Variants in FBXO15 observed in about 807,000 individuals in gnomAD.
FBXO15 encodes the protein F-box protein 15, also known as F-box only protein 15.
Under a neutral mutation model 49.5 loss-of-function variants are expected in FBXO15, and 30 were observed. That is an observed-to-expected ratio of 0.61 (90% CI 0.45 to 0.82). The LOEUF is 0.82. Among genes scored for constraint, FBXO15 ranks in the 40% least tolerant of loss-of-function variants. The pLI, the probability that FBXO15 is intolerant of heterozygous loss-of-function variation, is 0.00. For missense variants in FBXO15, 591 were observed against 631.5 expected, an observed-to-expected ratio of 0.94 and a Z score of 0.69; for synonymous variants, 250 against 232.7, an observed-to-expected ratio of 1.07 and a Z score of -0.68.
intron 3 of FBXO15, among the ~76,000 whole-genome samples, chr18:74,132,950 T>C (rs1303751682): frequency 6.6e-6 from 1 of 152,224 alleles, no homozygotes; most frequent in Admixed American, 6.5e-5. Context: ...GGGAGCCCCC[T>C]GCCCTTCAAG....
intron 8 of FBXO15, among the ~76,000 whole-genome samples, chr18:74,089,669 G>GATAATC: frequency 6.6e-6 from 1 of 152,136 alleles, no homozygotes; most frequent in East Asian, 1.9e-4. Flanking sequence ...TGCATCTATT[G>GATAATC]ATAATCATGT....
At chr18:74,103,946 T>G (rs542653278) in intron 8 of FBXO15, among the ~76,000 whole-genome samples, 1 of 152,156 alleles carries the variant, frequency 6.6e-6, no homozygotes, top group Non-Finnish European at 1.5e-5. Context: ...GAAAACTTAC[T>G]GGTAAAATTA....
intron 2 of FBXO15, 52 bp from the exon 3 acceptor site, chr18:74,135,918 A>C: frequency 6.9e-7 from 1 of 1,442,036 alleles, no homozygotes; most frequent in Admixed American, 1.9e-5. Flanking sequence ...CCAGGGCTTA[A>C]TCTGCAGATT....
chr18:74,123,417 A>G lies in FBXO15; in HGVS notation c.1089T>C (p.Gly363=), dbSNP rs768238784. 2 of 1,613,776 alleles carry G rather than the reference A, an allele frequency of 1.2e-6. No individual in the cohort carries two copies. The highest frequency in any genetic ancestry group is 1.7e-6 in the Non-Finnish European group (2 of 1,179,922). Residue 363 remains glycine (G), a synonymous_variant, in exon 8 of 10, where the codon GGT becomes GGC. Coordinates refer to ENST00000419743, the MANE Select transcript of FBXO15 (RefSeq NM_001142958.2). ...GYQLHVDLHS[G]GVFYLCGTFR... The stretch of plus-strand genomic sequence containing the variant: ...ATGTACCACATAGGTAGAAAACCCC[A>G]CCGCTGTGCAGATCAACATGGAGTT...
intron 3 of FBXO15, among the ~76,000 whole-genome samples, chr18:74,131,360 G>A (rs891406607): frequency 6.6e-6 from 1 of 152,344 alleles, no homozygotes; most frequent in African/African-American, 2.4e-5. Context: ...TGCAAGGTGA[G>A]CTGGCCCAGG....
chr18:74,118,246 G>T (rs1158033624), intron 8 of FBXO15, among the ~76,000 whole-genome samples: 1 of 151,958 alleles, frequency 6.6e-6, no homozygotes, highest in African/African-American at 2.4e-5. Flanking sequence ...TGATCTGCCT[G>T]CCTCAGCCTT....
At chr18:74,086,568 G>A (rs565977437) in intron 8 of FBXO15, among the ~76,000 whole-genome samples, 6 of 152,190 alleles carry the variant, frequency 3.9e-5, no homozygotes, top group South Asian at 4.1e-4. Context: ...CCGCCACCAC[G>A]CCTGACTAAT....
intron 8 of FBXO15, among the ~76,000 whole-genome samples, chr18:74,108,705 C>T (rs1913880988): frequency 6.6e-6 from 1 of 152,110 alleles, no homozygotes; most frequent in African/African-American, 2.4e-5. Context: ...ATACAGGAAG[C>T]TCAGAGAACA....
Position 74,130,522 on chromosome 18 carries a change from C to T in FBXO15, c.469G>A (p.Glu157Lys), listed in dbSNP as rs750915015. 5 of 1,614,006 alleles carry T rather than the reference C, an allele frequency of 3.1e-6. No individual in the cohort carries two copies. The African/African-American group carries it at 4.0e-5, about 13-fold the overall frequency. Residue 157 changes from glutamate to lysine, a missense_variant, in exon 4 of 10, where the codon GAA becomes AAA. Transcript: ENST00000419743. ...GATGCTATTTGTTTTGTGATATATT[C>T]TTTCTTCCAATAACCAGCTTCTTTA... is the stretch of plus-strand genomic sequence containing the variant. ...QDKEAGYWKKEYITKQIASVK... is the reference protein window; with the variant it reads ...QDKEAGYWKKKYITKQIASVK...
At chr18:74,127,184 T>G (rs1873326974) in intron 5 of FBXO15, among the ~76,000 whole-genome samples, 1 of 152,162 alleles carries the variant, frequency 6.6e-6, no homozygotes, top group African/African-American at 2.4e-5. Context: ...CAGTCCCTGC[T>G]AGTATCATTA....
At chr18:74,086,195 A>G (rs572367203) in intron 8 of FBXO15, among the ~76,000 whole-genome samples, 1 of 152,294 alleles carries the variant, frequency 6.6e-6, no homozygotes, top group East Asian at 1.9e-4. Flanking sequence ...GATGGAACGA[A>G]AAGTCACCTA....
intron 3 of FBXO15, among the ~76,000 whole-genome samples, chr18:74,133,740 C>T (rs933176815): frequency 6.6e-6 from 1 of 152,138 alleles, no homozygotes; most frequent in Non-Finnish European, 1.5e-5. Context: ...TGGCAGAAAA[C>T]CAAGGCGAGC....
intron 1 of FBXO15, among the ~76,000 whole-genome samples, chr18:74,144,067 A>G (rs777690596): frequency 1.3e-5 from 2 of 152,256 alleles, no homozygotes; most frequent in East Asian, 1.9e-4. Flanking sequence ...CACTAACAGT[A>G]TAACTGAGAA....
chr18:74,110,421 G>T (rs1352254313), intron 8 of FBXO15, among the ~76,000 whole-genome samples: 1 of 151,624 alleles, frequency 6.6e-6, no homozygotes. Flanking sequence ...TGCTAAGAAA[G>T]AAGACAAAAT....
chr18:74,115,936 T>C (rs1914213179), intron 8 of FBXO15, among the ~76,000 whole-genome samples: 2 of 152,332 alleles, frequency 1.3e-5, no homozygotes, highest in South Asian at 2.1e-4. Context: ...GTCACTGTAG[T>C]TTCAGAGTGG....
intron 2 of FBXO15, among the ~76,000 whole-genome samples, chr18:74,138,465 G>A (rs967653926): frequency 6.6e-6 from 1 of 152,012 alleles, no homozygotes; most frequent in Non-Finnish European, 1.5e-5. Flanking sequence ...TCTCCTCAAT[G>A]TCTTGGACCT....
chr18:74,078,765 A>AG (rs1912366638), intron 9 of FBXO15: 1 of 152,388 alleles, frequency 6.6e-6, no homozygotes, highest in South Asian at 2.1e-4. Context: ...CCCTCCTTGC[A>AG]GGAGGAAGTC....
chr18:74,093,173 C>T (rs1913122854), intron 8 of FBXO15, among the ~76,000 whole-genome samples: 1 of 144,572 alleles, frequency 6.9e-6, no homozygotes, highest in South Asian at 2.2e-4. Flanking sequence ...CTCATGCCAG[C>T]AGCAATAGCA....
At chr18:74,082,440 G>T (rs1233102058) in intron 8 of FBXO15, among the ~76,000 whole-genome samples, 2 of 152,222 alleles carry the variant, frequency 1.3e-5, no homozygotes, top group African/African-American at 4.8e-5. Context: ...GTGCAGAAAT[G>T]GCAAAGAAAC....
Sources: allele counts gnomAD v4.1 joint callset (sites outside exome capture counted in the v4.1 genomes callset), GRCh38; gene constraint gnomAD v4.1.1; transcripts MANE v1.5; gene names NCBI Gene and HGNC (gene_info 2026-07-23, HGNC 2026-07-21).